Variants in PRKAR1B observed in about 807,000 individuals in gnomAD.
PRKAR1B encodes cAMP-dependent protein kinase type I-beta regulatory subunit.
A neutral mutation model predicts 46.5 loss-of-function variants in PRKAR1B; 22 were observed. The observed-to-expected ratio is 0.47, with a 90% CI of 0.34 to 0.68. The LOEUF is 0.68. Among genes scored for constraint, PRKAR1B ranks in the 30% least tolerant of loss-of-function variants. PRKAR1B has a pLI of 0.01. For synonymous variants in PRKAR1B, 259 were observed against 217.7 expected (o/e 1.19, Z -1.67); for missense variants, 445 against 535.6 (o/e 0.83, Z 1.67).
At chr7:662,348 G>C (rs1354687567) in intron 4 of PRKAR1B, among the ~76,000 whole-genome samples, 3 of 91,414 alleles carry the variant, frequency 3.3e-5, no homozygotes, top group South Asian at 4.1e-4. Context: ...CCCCCCCATG[G>C]CACAGGTCCC....
chr7:563,559 C>T (rs1562521246), intron 9 of PRKAR1B, among the ~76,000 whole-genome samples: 4 of 152,060 alleles, frequency 2.6e-5, no homozygotes, highest in South Asian at 2.1e-4. Flanking sequence ...CATGTGTGCA[C>T]GTGTGAGTGC....
At position 550,242 on chromosome 7, in the gene PRKAR1B, T is replaced by G; in HGVS notation, c.*188A>C. ...GGATGCATTTTGTCCGCTTGTCCTT[T>G]GATTTGGAAATGCACAAGGTGATCA... On this transcript the variant is annotated 3_prime_UTR_variant, in exon 11 of 11. Transcript: ENST00000537384. 1 of 592,182 alleles carries G rather than the reference T, an allele frequency of 1.7e-6. No individual in the cohort carries two copies. Among genetic ancestry groups the G allele is most frequent in the South Asian group, 2.0e-5 (1 of 49,730 alleles). 36.7% of individuals were successfully genotyped at this position (592,182 alleles called of 1,614,324 possible).
chr7:551,546 C>T (rs142160370), intron 9 of PRKAR1B, 76 bp from the exon 10 acceptor site: 21 of 1,417,006 alleles, frequency 1.5e-5, no homozygotes, highest in African/African-American at 1.4e-5. Context: ...GGTCACCCCA[C>T]AGGGGGTCAC....
rs1278836629 is a variant in PRKAR1B at position 714,245 on chromosome 7, G to C, written c.-22-2718C>G. On this transcript the variant is annotated intron_variant, in intron 1 of 10. Transcript: ENST00000537384. The surrounding 1 kb of genome is among the most constrained non-coding windows in gnomAD (Gnocchi z 4.3). ...CCGGGCTGTCCTGGGGTTCTCTGGA[G>C]ACTCCCTGTAAAGACTTCCCCCACA... is the stretch of plus-strand genomic sequence containing the variant. Among the ~76,000 whole-genome samples the C allele has an allele frequency of 6.6e-6, 1 of 152,162 alleles. No homozygotes were observed. Among genetic ancestry groups the C allele is most frequent in the African/African-American group, 2.4e-5 (1 of 41,430 alleles).
intron 1 of PRKAR1B, among the ~76,000 whole-genome samples, chr7:712,234 C>T (rs1203716759): frequency 1.3e-5 from 2 of 150,788 alleles, no homozygotes; most frequent in Non-Finnish European, 3.0e-5. Context: ...GCCCCCCGCC[C>T]CAAACCCGGC....
rs552077026 is a variant in PRKAR1B, at chr7:649,426, G to C, written c.440+27803C>G. ...TATTTTTCTTCAGGATTTCTTTTTA[G>C]TGTTAGCAGACAGTTAACTAAACGT... On this transcript the variant is annotated intron_variant, in intron 4 of 10. Coordinates refer to ENST00000537384, the MANE Select transcript of PRKAR1B (RefSeq NM_001164760.2). 4.3e-4 allele frequency among the ~76,000 whole-genome samples: 65 copies of C among 152,260 alleles called. 2 individuals carry two copies. Among genetic ancestry groups the C allele is most frequent in the African/African-American group, 1.4e-3 (59 of 41,552 alleles).
intron 4 of PRKAR1B, 84 bp downstream of exon 4, chr7:677,145 C>T: frequency 3.0e-6 from 4 of 1,339,860 alleles, no homozygotes; most frequent in Middle Eastern, 3.6e-4. Flanking sequence ...GGCAGTGATG[C>T]CCAGGCAAGT....
intron 4 of PRKAR1B, among the ~76,000 whole-genome samples, chr7:662,755 T>A (rs1785681977): frequency 6.6e-6 from 1 of 152,066 alleles, no homozygotes; most frequent in Non-Finnish European, 1.5e-5. Flanking sequence ...TCCCCTCCAG[T>A]CCCACGGGCA....
rs1245297798 is a variant in PRKAR1B at position 603,659 on chromosome 7, GC to G, written c.549+2533del. ...GACACCAGGACCCAGAGTGGAGAGG[GC>G]AGGGGAGGAGGTGACACGGTGACAC... On this transcript the variant is annotated intron_variant, in intron 6 of 10. Transcript: ENST00000537384. 5.9e-3 allele frequency among the ~76,000 whole-genome samples: 850 copies of G among 144,572 alleles called. 29 individuals carry two copies. Among genetic ancestry groups the G allele is most frequent in the African/African-American group, 0.011 (402 of 37,412 alleles). The allele number at this position is 144,572 out of a possible 152,430, so 94.8% of individuals were successfully genotyped here.
chr7:603,890 G>A (rs1266945383), intron 6 of PRKAR1B, among the ~76,000 whole-genome samples: 1 of 152,082 alleles, frequency 6.6e-6, no homozygotes. Context: ...AGGTGACACG[G>A]TGACACCAGG....
chr7:657,132 G>GATGA lies in PRKAR1B; in HGVS notation c.440+20093_440+20096dup, dbSNP rs567587596. On this transcript the variant is annotated intron_variant, in intron 4 of 10. Coordinates refer to ENST00000537384, the MANE Select transcript of PRKAR1B (RefSeq NM_001164760.2). The stretch of plus-strand genomic sequence containing the variant: ...GCATGGATGGATGGATGGATAGATG[G>GATGA]ATGAATGAATGAATGAATGAGTGAA... 2.6e-4 allele frequency among the ~76,000 whole-genome samples: 39 copies of GATGA among 151,756 alleles called. 2 individuals are homozygous for GATGA. The South Asian group carries it at 3.8e-3, about 15-fold the overall frequency.
chr7:690,295 CAA>C (rs948406327), intron 2 of PRKAR1B, among the ~76,000 whole-genome samples: 5 of 135,748 alleles, frequency 3.7e-5, no homozygotes, highest in African/African-American at 8.1e-5. Context: ...GACTCTGTCT[CAA>C]AAAAAAAAAG....
intron 7 of PRKAR1B, among the ~76,000 whole-genome samples, chr7:586,427 G>A (rs1407069322): frequency 6.6e-6 from 1 of 152,234 alleles, no homozygotes; most frequent in Non-Finnish European, 1.5e-5. Flanking sequence ...AAAAGATACT[G>A]TGGCTCCTGC....
At chr7:643,700 C>A (rs568219965) in intron 4 of PRKAR1B, among the ~76,000 whole-genome samples, 1 of 151,122 alleles carries the variant, frequency 6.6e-6, no homozygotes, top group South Asian at 2.1e-4. Context: ...CCAGCCTGGG[C>A]GACAGAGCGA....
chr7:649,799 G>C (rs1045012351), intron 4 of PRKAR1B, among the ~76,000 whole-genome samples: 2 of 151,666 alleles, frequency 1.3e-5, no homozygotes, highest in Admixed American at 1.3e-4. Context: ...GTCCTGGACT[G>C]AAGCGATCCC....
At chr7:689,629 G>A (rs577504626) in intron 2 of PRKAR1B, among the ~76,000 whole-genome samples, 21 of 152,076 alleles carry the variant, frequency 1.4e-4, no homozygotes, top group Admixed American at 2.6e-4. Flanking sequence ...AAAAGATGGG[G>A]AGGATAAGGA....
At chr7:554,433 T>C (rs150737506) in intron 9 of PRKAR1B, among the ~76,000 whole-genome samples, 33 of 152,378 alleles carry the variant, frequency 2.2e-4, no homozygotes, top group African/African-American at 6.3e-4. Flanking sequence ...TTTTCCTCTC[T>C]CAGAATCCAG....
At chr7:601,392 G>A (rs957813614) in intron 6 of PRKAR1B, among the ~76,000 whole-genome samples, 6 of 152,196 alleles carry the variant, frequency 3.9e-5, no homozygotes, top group African/African-American at 1.2e-4. Context: ...GCTGCCATGC[G>A]GCCGTTCCCC....
intron 4 of PRKAR1B, among the ~76,000 whole-genome samples, chr7:624,125 AC>A (rs1322978783): frequency 6.6e-6 from 1 of 152,198 alleles, no homozygotes; most frequent in African/African-American, 2.4e-5. Context: ...GTGACAGCAA[AC>A]TTTTATCTTA....
Sources: allele counts gnomAD v4.1 joint callset (sites outside exome capture counted in the v4.1 genomes callset), GRCh38; gene constraint gnomAD v4.1.1; non-coding constraint Gnocchi (gnomAD v3.1); transcripts MANE v1.5; gene names NCBI Gene and HGNC (gene_info 2026-07-23, HGNC 2026-07-21).